The following FRMPD2 variants were observed in gnomAD, a reference collection of about 807,000 sequenced individuals.
FRMPD2 encodes the protein FERM and PDZ domain containing 2, also known as FERM and PDZ domain-containing protein 2.
A neutral mutation model predicts 140.1 loss-of-function variants in FRMPD2; 96 were observed. The observed-to-expected ratio is 0.69, with a 90% CI of 0.58 to 0.81. The LOEUF (loss-of-function observed/expected upper bound fraction) is 0.81. FRMPD2 is among the 40% of genes least tolerant of loss of function. The pLI is 0.00. For missense variants in FRMPD2, 1,240 were observed against 1,447.4 expected (o/e 0.86, Z 2.32); for synonymous variants, 449 against 547.6 (o/e 0.82, Z 2.52).
chr10:48,201,952 A>G (rs1424350383), intron 14 of FRMPD2, among the ~76,000 whole-genome samples: 2 of 151,870 alleles, frequency 1.3e-5, no homozygotes, highest in African/African-American at 4.8e-5. Context: ...AAAGAGCAAG[A>G]GTCCTCAAAA....
At chr10:48,204,140 C>G (rs1294096465) in intron 14 of FRMPD2, among the ~76,000 whole-genome samples, 14 of 152,164 alleles carry the variant, frequency 9.2e-5, no homozygotes, top group Non-Finnish European at 1.9e-4. Context: ...GAAGCATGAG[C>G]TGTACAGAGC....
At chr10:48,243,122 G>A (rs1249307731) in intron 4 of FRMPD2, among the ~76,000 whole-genome samples, 1 of 152,216 alleles carries the variant, frequency 6.6e-6, no homozygotes, top group Non-Finnish European at 1.5e-5. Flanking sequence ...TGCCGTCACA[G>A]TAAATCCAGG....
rs1564425217 is a variant in FRMPD2, at chr10:48,206,941, A to C, written c.1612-8T>G. On this transcript the variant is annotated splice_polypyrimidine_tract_variant and splice_region_variant and intron_variant, in intron 13 of 28. Coordinates refer to ENST00000374201, the MANE Select transcript of FRMPD2 (RefSeq NM_001018071.4). ...TGGGAGCTGCTGAGTGACCTGGAGCAGAAAAAGGCTGATTTAGAAGAGACA... is the reference window on the plus strand; with the variant it reads ...TGGGAGCTGCTGAGTGACCTGGAGCCGAAAAAGGCTGATTTAGAAGAGACA... 4 of 1,612,752 alleles carry C rather than the reference A, an allele frequency of 2.5e-6. No homozygotes were observed. The South Asian group carries it at 4.4e-5, about 18-fold the overall frequency.
At chr10:48,193,055 T>G (rs966272540) in intron 15 of FRMPD2, 161 bp from the exon 16 acceptor site, 6 of 620,606 alleles carry the variant, frequency 9.7e-6, no homozygotes, top group South Asian at 9.6e-5. Flanking sequence ...ATGCAAGGTC[T>G]CCTAATTAGC....
At chr10:48,269,959 C>G (rs879290817) in intron 1 of FRMPD2, among the ~76,000 whole-genome samples, 8 of 152,144 alleles carry the variant, frequency 5.3e-5, no homozygotes, top group Non-Finnish European at 1.0e-4. Flanking sequence ...GGCCCTGAGT[C>G]AGGAAGTTGC....
Position 48,242,167 on chromosome 10 carries a change from A to G in FRMPD2, c.561T>C (p.Ile187=), listed in dbSNP as rs1226118996. The G allele has an allele frequency of 6.2e-7, 1 of 1,611,894 alleles. No homozygotes were observed. The highest frequency in any genetic ancestry group is 8.5e-7 in the Non-Finnish European group (1 of 1,178,676). The change falls in exon 5 of 29, where the codon ATT becomes ATC. Residue 187 remains isoleucine (I), a synonymous_variant. Coordinates refer to ENST00000374201, the MANE Select transcript of FRMPD2 (RefSeq NM_001018071.4). ...AGCACGGTTCTCTACTGACCTCAGA[A>G]ATGGTACCCAGAACCAAGCCAACCA... The part of the protein sequence containing the change: ...RRLVGLVLGT[I]SEVEKRVVEE...
At chr10:48,248,160 C>T (rs113786908) in intron 3 of FRMPD2, among the ~76,000 whole-genome samples, 5 of 152,238 alleles carry the variant, frequency 3.3e-5, no homozygotes, top group South Asian at 2.1e-4. Flanking sequence ...CATGAAAGGG[C>T]GAGGAAGAAG....
chr10:48,272,549 C>T (rs1840788528), intron 1 of FRMPD2, among the ~76,000 whole-genome samples: 1 of 152,190 alleles, frequency 6.6e-6, no homozygotes, highest in Admixed American at 6.5e-5. Flanking sequence ...TGGTGCACAG[C>T]CCTTCCACCT....
At chr10:48,239,148 C>T (rs539352942) in intron 7 of FRMPD2, among the ~76,000 whole-genome samples, 4 of 152,298 alleles carry the variant, frequency 2.6e-5, no homozygotes, top group East Asian at 3.9e-4. Context: ...GCTGGATAGC[C>T]GAGCCGAAGA....
chr10:48,185,781 G>A, intron 17 of FRMPD2, 136 bp from the exon 18 acceptor site: 1 of 675,246 alleles, frequency 1.5e-6, no homozygotes, highest in Non-Finnish European at 2.7e-6. Context: ...AACAAAAGTA[G>A]CTCATATTTA....
intron 1 of FRMPD2, among the ~76,000 whole-genome samples, chr10:48,257,334 T>C (rs1385606195): frequency 6.6e-6 from 1 of 152,002 alleles, no homozygotes; most frequent in Admixed American, 6.6e-5. Flanking sequence ...GGCTGGAGTG[T>C]AGTGGCGTGA....
At chr10:48,208,564 G>T (rs1432751668) in intron 13 of FRMPD2, among the ~76,000 whole-genome samples, 1 of 152,190 alleles carries the variant, frequency 6.6e-6, no homozygotes, top group African/African-American at 2.4e-5. Context: ...TTGCTCCTGA[G>T]TCTTCACTCT....
intron 10 of FRMPD2, among the ~76,000 whole-genome samples, chr10:48,230,484 T>G (rs1363518654): frequency 1.3e-5 from 2 of 152,190 alleles, no homozygotes; most frequent in African/African-American, 4.8e-5. Context: ...TATCAAAAGT[T>G]CTAGCAGAAC....
At chr10:48,268,594 G>A (rs561890330) in intron 1 of FRMPD2, among the ~76,000 whole-genome samples, 3 of 152,186 alleles carry the variant, frequency 2.0e-5, no homozygotes, top group South Asian at 4.1e-4. Context: ...CTATTGATAC[G>A]TGCAACAGCT....
At chr10:48,223,670 A>G (rs1258393781) in intron 10 of FRMPD2, among the ~76,000 whole-genome samples, 2 of 152,172 alleles carry the variant, frequency 1.3e-5, no homozygotes, top group Non-Finnish European at 2.9e-5. Flanking sequence ...CTCCCCAGCC[A>G]TGGACTCCTA....
At chr10:48,160,154 C>T (rs1286997247) in intron 28 of FRMPD2, among the ~76,000 whole-genome samples, 1 of 151,680 alleles carries the variant, frequency 6.6e-6, no homozygotes, top group Non-Finnish European at 1.5e-5. Context: ...GCCAAGCTTT[C>T]CCTCTGATAG....
intron 1 of FRMPD2, among the ~76,000 whole-genome samples, chr10:48,267,925 T>C (rs1476753310): frequency 2.0e-5 from 3 of 152,236 alleles, no homozygotes; most frequent in South Asian, 2.1e-4. Flanking sequence ...TCCATTTATA[T>C]GAAATATCCA....
At chr10:48,273,630 C>T (rs1172610541) in intron 1 of FRMPD2, among the ~76,000 whole-genome samples, 3 of 152,154 alleles carry the variant, frequency 2.0e-5, no homozygotes, top group Non-Finnish European at 4.4e-5. Context: ...ACCTCCATTT[C>T]GGCACTTGCT....
At chr10:48,159,526 C>T (rs1287548426) in intron 28 of FRMPD2, among the ~76,000 whole-genome samples, 1 of 151,886 alleles carries the variant, frequency 6.6e-6, no homozygotes, top group Non-Finnish European at 1.5e-5. Context: ...AACTGCATCC[C>T]TCCCTAACTA....
Sources: allele counts gnomAD v4.1 joint callset (sites outside exome capture counted in the v4.1 genomes callset), GRCh38; gene constraint gnomAD v4.1.1; transcripts MANE v1.5; gene names NCBI Gene and HGNC (gene_info 2026-07-23, HGNC 2026-07-21).